Variants in CFAP61 observed in about 807,000 individuals in gnomAD.
CFAP61 encodes cilia- and flagella-associated protein 61.
In CFAP61, 107 loss-of-function variants were observed where a neutral mutation model predicts 135.6. That is an observed-to-expected ratio of 0.79 (90% CI 0.67 to 0.93). The LOEUF is 0.93. CFAP61 is among the 40% of genes least tolerant of loss of function. CFAP61 has a pLI of 0.00. For missense variants in CFAP61, 1,507 were observed against 1,556.2 expected, an observed-to-expected ratio of 0.97 and a Z score of 0.53; for synonymous variants, 575 against 578.5, an observed-to-expected ratio of 0.99 and a Z score of 0.09.
At chr20:20,072,723 AGC>A (rs2045808386) in intron 3 of CFAP61, among the ~76,000 whole-genome samples, 1 of 152,200 alleles carries the variant, frequency 6.6e-6, no homozygotes, top group African/African-American at 2.4e-5. Flanking sequence ...GTAACTAACG[AGC>A]GCTTGAAATG....
chr20:20,304,303 TGAGAGA>T (rs112391087), intron 25 of CFAP61, among the ~76,000 whole-genome samples: 11 of 147,486 alleles, frequency 7.5e-5, no homozygotes, highest in African/African-American at 1.3e-4. Flanking sequence ...TGTGTGTGTG[TGAGAGA>T]GAGAGAGAGA....
chr20:20,118,255 T>TCCTC (rs200550790), intron 8 of CFAP61, among the ~76,000 whole-genome samples: 1 of 44,300 alleles, frequency 2.3e-5, no homozygotes, highest in East Asian at 3.1e-4. Flanking sequence ...TGAGGTATGT[T>TCCTC]TCTTTCTTTC....
At chr20:20,153,826 TAAAG>T (rs1322106779) in intron 9 of CFAP61, among the ~76,000 whole-genome samples, 3 of 151,998 alleles carry the variant, frequency 2.0e-5, no homozygotes, top group African/African-American at 7.2e-5. Flanking sequence ...TTCCAGAAGA[TAAAG>T]AAAGAGGTAA....
intron 9 of CFAP61, among the ~76,000 whole-genome samples, chr20:20,143,191 T>G (rs1415954526): frequency 6.6e-6 from 1 of 152,204 alleles, no homozygotes; most frequent in East Asian, 1.9e-4. Context: ...AGTGTCAGCC[T>G]TTCTCTACCT....
chr20:20,055,779 G>A (rs958699302), intron 1 of CFAP61, among the ~76,000 whole-genome samples: 1 of 152,194 alleles, frequency 6.6e-6, no homozygotes, highest in African/African-American at 2.4e-5. Flanking sequence ...TTCGATAGGA[G>A]TCTAGACATT....
intron 15 of CFAP61, among the ~76,000 whole-genome samples, chr20:20,194,389 C>G (rs532461615): frequency 2.6e-5 from 4 of 152,124 alleles, no homozygotes; most frequent in Non-Finnish European, 5.9e-5. Flanking sequence ...TTCTTGTTCT[C>G]TTATTGTTCC....
chr20:20,174,199 G>T (rs1047065060), intron 13 of CFAP61, among the ~76,000 whole-genome samples: 10 of 152,190 alleles, frequency 6.6e-5, no homozygotes, highest in Non-Finnish European at 1.0e-4. Flanking sequence ...AACAAGTCAT[G>T]TGTTGTCGCA....
At chr20:20,228,220 C>G (rs369493983) in intron 17 of CFAP61, 29 bp from the exon 18 acceptor site, 8 of 1,585,552 alleles carry the variant, frequency 5.0e-6, no homozygotes, top group Non-Finnish European at 6.9e-6. Flanking sequence ...TTCTTTGACT[C>G]CTTCTTTGTC....
At chr20:20,207,790 A>G (rs2056923266) in intron 17 of CFAP61, among the ~76,000 whole-genome samples, 1 of 152,232 alleles carries the variant, frequency 6.6e-6, no homozygotes. Flanking sequence ...GAAAATCAGT[A>G]AAACCTTCAC....
chr20:20,196,838 T>C, intron 16 of CFAP61, 62 bp downstream of exon 16: 1 of 1,362,292 alleles, frequency 7.3e-7, no homozygotes, highest in Non-Finnish European at 1.0e-6. Flanking sequence ...GTTGGTGTTG[T>C]ACGCCGCATT....
At chr20:20,142,474 T>C (rs1456223833) in intron 8 of CFAP61, among the ~76,000 whole-genome samples, 4 of 152,210 alleles carry the variant, frequency 2.6e-5, no homozygotes, top group Non-Finnish European at 4.4e-5. Context: ...TGATAACCCA[T>C]TGTTTGTAAA....
At chr20:20,107,593 T>C (rs2048502169) in intron 8 of CFAP61, 1 of 152,092 alleles carries the variant, frequency 6.6e-6, no homozygotes, top group East Asian at 1.9e-4. Flanking sequence ...TGTGTATATA[T>C]GTATCCAACT....
chr20:20,253,599 T>C (rs2051190335), intron 20 of CFAP61: 2 of 492,872 alleles, frequency 4.1e-6, no homozygotes, highest in South Asian at 1.5e-5. Flanking sequence ...AGCACTCTTT[T>C]TGGGCCACTG....
At position 20,199,860 on chromosome 20, in the gene CFAP61, G is replaced by C. The variant is rs772424654; in HGVS notation, c.1890G>C (p.Lys630Asn). Reference sequence around the variant, plus strand: ...GACAGATTGTCTATCCTCTGGAAAAGCTTGGCATAAACGCTCCATCAAAGG... The same window carrying C: ...GACAGATTGTCTATCCTCTGGAAAACCTTGGCATAAACGCTCCATCAAAGG... ...PRRQIVYPLEKLGINAPSKAV... is the reference protein window; with the variant it reads ...PRRQIVYPLENLGINAPSKAV... Residue 630 changes from lysine to asparagine, a missense_variant, in exon 17 of 27, where the codon AAG becomes AAC. Coordinates refer to ENST00000245957, the MANE Select transcript of CFAP61 (RefSeq NM_015585.4). 4.2e-5 allele frequency: 68 copies of C among 1,614,200 alleles called. No individual in the cohort carries two copies. The highest frequency in any genetic ancestry group is 3.3e-4 in the Middle Eastern group (2 of 6,062).
At chr20:20,068,028 A>G (rs977432947) in intron 2 of CFAP61, among the ~76,000 whole-genome samples, 6 of 152,188 alleles carry the variant, frequency 3.9e-5, no homozygotes, top group Non-Finnish European at 8.8e-5. Flanking sequence ...CCACAAAAGC[A>G]TACTGAATCT....
chr20:20,175,509 GTTTTGTTTTGTTTTGTTTTGTTTT>G, intron 13 of CFAP61, among the ~76,000 whole-genome samples: 1 of 4,682 alleles, frequency 2.1e-4, no homozygotes. Flanking sequence ...GTTTTGTTTT[GTTTTGTTTTGTTTTGTTTTGTTTT>G]GTTTTGTTTT....
intron 22 of CFAP61, among the ~76,000 whole-genome samples, chr20:20,279,946 G>A (rs2054065195): frequency 1.3e-5 from 2 of 152,098 alleles, no homozygotes. Context: ...GCTTTGGGCA[G>A]CATCTGTCAG....
intron 25 of CFAP61, among the ~76,000 whole-genome samples, chr20:20,300,820 G>A (rs890184416): frequency 3.9e-5 from 6 of 151,930 alleles, no homozygotes; most frequent in African/African-American, 1.2e-4. Context: ...TGGCCAGGCT[G>A]GTCTCGAATT....
At chr20:20,175,834 G>T (rs752323663) in intron 13 of CFAP61, among the ~76,000 whole-genome samples, 1 of 152,006 alleles carries the variant, frequency 6.6e-6, no homozygotes, top group African/African-American at 2.4e-5. Context: ...CCTGGCTGGG[G>T]CTTCTGCTTT....
Sources: allele counts gnomAD v4.1 joint callset (sites outside exome capture counted in the v4.1 genomes callset), GRCh38; gene constraint gnomAD v4.1.1; transcripts MANE v1.5; gene names NCBI Gene and HGNC (gene_info 2026-07-23, HGNC 2026-07-21).